GALNT17: variants seen among roughly 807,000 people sequenced by gnomAD.
GALNT17 encodes UDP-GalNAc:polypeptide N-acetylgalactosaminyltransferase-like 3.
Under a neutral mutation model 63.7 loss-of-function variants are expected in GALNT17, and 29 were observed. The observed-to-expected ratio is 0.46, with a 90% confidence interval of 0.34 to 0.62. The LOEUF (loss-of-function observed/expected upper bound fraction) is 0.62. GALNT17 is among the 20% of genes least tolerant of loss of function. The pLI is 0.01. For synonymous variants in GALNT17, 305 were observed against 318.3 expected (o/e 0.96, Z 0.45); for missense variants, 603 against 799.6 (o/e 0.75, Z 2.97).
At chr7:71,373,281 C>T (rs1792660397) in intron 2 of GALNT17, among the ~76,000 whole-genome samples, 1 of 152,122 alleles carries the variant, frequency 6.6e-6, no homozygotes. Context: ...AGGAGAGAAA[C>T]AGGTTCTTTC....
intron 2 of GALNT17, among the ~76,000 whole-genome samples, chr7:71,338,692 C>G (rs1468080366): frequency 6.6e-6 from 1 of 152,192 alleles, no homozygotes. Flanking sequence ...ACCTCCGCTT[C>G]TCAAACAGAT....
At chr7:71,279,745 G>A (rs2115746437) in intron 1 of GALNT17, among the ~76,000 whole-genome samples, 1 of 150,856 alleles carries the variant, frequency 6.6e-6, no homozygotes, top group East Asian at 1.9e-4. Flanking sequence ...CTTTGATAGA[G>A]GCATGCCCAG....
intron 10 of GALNT17, 137 bp downstream of exon 10, chr7:71,711,065 T>G: frequency 8.3e-7 from 1 of 1,203,180 alleles, no homozygotes; most frequent in South Asian, 1.6e-5. Flanking sequence ...GGGCTGGGCT[T>G]GTGGACCCAA....
At chr7:71,661,252 G>T (rs776429211) in intron 6 of GALNT17, among the ~76,000 whole-genome samples, 1 of 152,140 alleles carries the variant, frequency 6.6e-6, no homozygotes, top group Non-Finnish European at 1.5e-5. Context: ...GTGGTCGGGG[G>T]TGTGGTTCTG....
Position 71,445,180 on chromosome 7 carries a change from T to C in GALNT17, c.962+24075T>C, listed in dbSNP as rs1166859632. 6.5e-5 allele frequency among the ~76,000 whole-genome samples: 8 copies of C among 123,262 alleles called. No homozygotes were observed. The South Asian group carries it at 2.2e-3, about 34-fold the overall frequency. The allele number at this position is 123,262 out of a possible 152,430, so 80.9% of individuals were successfully genotyped here. The stretch of plus-strand genomic sequence containing the variant: ...AGCCACCTTTTTTTTTCTTTCTTTC[T>C]TTTTTTTTTTTTTTTTGAGACAGAT... On this transcript the variant is annotated intron_variant, in intron 5 of 10. Coordinates refer to ENST00000333538, the MANE Select transcript of GALNT17 (RefSeq NM_022479.3).
chr7:71,488,832 T>C (rs1272201753), intron 5 of GALNT17, among the ~76,000 whole-genome samples: 1 of 143,130 alleles, frequency 7.0e-6, no homozygotes, highest in African/African-American at 2.6e-5. Flanking sequence ...TCCACCTGCC[T>C]CAACCTCCCA....
At chr7:71,193,605 G>T (rs1788993101) in intron 1 of GALNT17, among the ~76,000 whole-genome samples, 1 of 151,774 alleles carries the variant, frequency 6.6e-6, no homozygotes, top group East Asian at 1.9e-4. Flanking sequence ...ACAAAGCTGG[G>T]CCCCATTTAT....
At chr7:71,286,498 C>T (rs9886302) in intron 1 of GALNT17, among the ~76,000 whole-genome samples, 28,272 of 152,124 alleles carry the variant, frequency 0.19, 2,862 homozygotes, top group East Asian at 0.33. Context: ...CAGACAGGGC[C>T]AGTATTATTC....
intron 1 of GALNT17, among the ~76,000 whole-genome samples, chr7:71,326,161 T>C (rs1032758262): frequency 6.6e-6 from 1 of 152,150 alleles, no homozygotes; most frequent in Non-Finnish European, 1.5e-5. Context: ...GAAACCTATG[T>C]ATTAAAAAGG....
intron 1 of GALNT17, among the ~76,000 whole-genome samples, chr7:71,280,118 T>C (rs909163182): frequency 1.3e-5 from 2 of 152,090 alleles, no homozygotes; most frequent in Non-Finnish European, 2.9e-5. Context: ...CTTTTTGCCT[T>C]TGGATCAGAG....
At chr7:71,622,096 G>T (rs1446846509) in intron 6 of GALNT17, among the ~76,000 whole-genome samples, 1 of 152,182 alleles carries the variant, frequency 6.6e-6, no homozygotes, top group African/African-American at 2.4e-5. Flanking sequence ...CAACCGAAGA[G>T]GTCAGTGGGC....
chr7:71,675,240 G>T (rs773538216), intron 8 of GALNT17, among the ~76,000 whole-genome samples: 5 of 152,044 alleles, frequency 3.3e-5, no homozygotes, highest in Non-Finnish European at 5.9e-5. Context: ...TTCAAACATT[G>T]CAGTAGACCG....
intron 9 of GALNT17, among the ~76,000 whole-genome samples, chr7:71,684,686 AG>A (rs1184996881): frequency 6.6e-6 from 1 of 152,118 alleles, no homozygotes; most frequent in East Asian, 1.9e-4. Flanking sequence ...TATTTGAGAT[AG>A]GGTCTTGTTC....
At chr7:71,676,402 A>G (rs990231894) in intron 8 of GALNT17, among the ~76,000 whole-genome samples, 3 of 146,060 alleles carry the variant, frequency 2.1e-5, no homozygotes, top group African/African-American at 7.6e-5. Flanking sequence ...TTTTTTTTTT[A>G]GAAATAGGTC....
intron 4 of GALNT17, among the ~76,000 whole-genome samples, chr7:71,417,914 TTCTC>T (rs1179688243): frequency 6.6e-6 from 1 of 152,140 alleles, no homozygotes; most frequent in East Asian, 1.9e-4. Flanking sequence ...GTCTCCCTCT[TTCTC>T]TCTATCTTGA....
At chr7:71,695,033 A>AT (rs1390984749) in intron 9 of GALNT17, among the ~76,000 whole-genome samples, 1 of 152,260 alleles carries the variant, frequency 6.6e-6, no homozygotes, top group Non-Finnish European at 1.5e-5. Context: ...CTACTGAGAA[A>AT]TAAAGTCTTT....
chr7:71,351,296 T>C (rs1024637368), intron 2 of GALNT17, among the ~76,000 whole-genome samples: 5 of 151,994 alleles, frequency 3.3e-5, no homozygotes, highest in Non-Finnish European at 7.4e-5. Context: ...TTGAGGGTGA[T>C]GGAAGGGAGG....
intron 8 of GALNT17, among the ~76,000 whole-genome samples, chr7:71,672,729 T>A (rs1791088664): frequency 6.6e-6 from 1 of 152,184 alleles, no homozygotes; most frequent in African/African-American, 2.4e-5. Context: ...TTTTTGTGTT[T>A]TTGTAGCAAC....
At chr7:71,166,793 C>G (rs1207426957) in intron 1 of GALNT17, among the ~76,000 whole-genome samples, 5 of 152,054 alleles carry the variant, frequency 3.3e-5, no homozygotes, top group African/African-American at 1.2e-4. Flanking sequence ...CTGTCATGTA[C>G]TAAATAATCT....
Sources: allele counts gnomAD v4.1 joint callset (sites outside exome capture counted in the v4.1 genomes callset), GRCh38; gene constraint gnomAD v4.1.1; transcripts MANE v1.5; gene names NCBI Gene and HGNC (gene_info 2026-07-23, HGNC 2026-07-21).